TMEM135: variants seen among roughly 807,000 people sequenced by gnomAD.
TMEM135 encodes peroxisomal membrane protein 52.
In TMEM135, 30 loss-of-function variants were observed where a neutral mutation model predicts 60.3. The ratio of observed to expected loss-of-function variants is 0.50; its 90% CI spans 0.37 to 0.68. TMEM135 has a LOEUF of 0.68. Ranked by LOEUF, TMEM135 falls within the 30% of genes least tolerant of loss-of-function variation. The pLI is 0.00. For synonymous variants in TMEM135, 190 were observed against 186.7 expected (o/e 1.02, Z -0.14); for missense variants, 468 against 548.8 (o/e 0.85, Z 1.47).
chr11:87,081,843 A>T (rs796779265), intron 3 of TMEM135, among the ~76,000 whole-genome samples: 22 of 152,306 alleles, frequency 1.4e-4, no homozygotes, highest in African/African-American at 5.3e-4. Flanking sequence ...TGTTTTAACG[A>T]CTTAATAAGA....
intron 4 of TMEM135, among the ~76,000 whole-genome samples, chr11:87,138,254 C>A (rs1384893379): frequency 5.3e-5 from 8 of 151,882 alleles, no homozygotes; most frequent in African/African-American, 1.9e-4. Context: ...CCACACCCGG[C>A]TAATTTTTGT....
intron 4 of TMEM135, among the ~76,000 whole-genome samples, chr11:87,115,194 A>G (rs1448839545): frequency 2.6e-5 from 4 of 152,132 alleles, no homozygotes; most frequent in Admixed American, 2.6e-4. Context: ...AAACCTTAAG[A>G]AACATCTCTC....
At chr11:87,080,168 G>GTT (rs35717116) in intron 3 of TMEM135, among the ~76,000 whole-genome samples, 6,415 of 128,268 alleles carry the variant, frequency 0.05, 486 homozygotes, top group East Asian at 0.19. Flanking sequence ...TGTTTGCAGT[G>GTT]TTTTTTTTTT....
chr11:87,185,453 T>C (rs1287919123), intron 5 of TMEM135, among the ~76,000 whole-genome samples: 1 of 152,236 alleles, frequency 6.6e-6, no homozygotes, highest in Non-Finnish European at 1.5e-5. Context: ...CTTGGTTCTC[T>C]GTATTTCCTG....
At chr11:87,257,672 T>C (rs1432281816) in intron 6 of TMEM135, among the ~76,000 whole-genome samples, 1 of 152,168 alleles carries the variant, frequency 6.6e-6, no homozygotes. Context: ...ATGTCCAGAA[T>C]AGAAAAATCT....
chr11:87,057,620 CT>C (rs1467092209), intron 1 of TMEM135, among the ~76,000 whole-genome samples: 3 of 152,216 alleles, frequency 2.0e-5, no homozygotes, highest in African/African-American at 7.2e-5. Context: ...CATATAAAAG[CT>C]TTAAAAACTG....
intron 1 of TMEM135, 24 bp downstream of exon 1, chr11:87,038,210 A>T (rs1305465946): frequency 1.2e-6 from 2 of 1,605,310 alleles, no homozygotes; most frequent in Non-Finnish European, 1.7e-6. Flanking sequence ...CCCGTCCCGC[A>T]GGGCGAGTTT....
intron 5 of TMEM135, among the ~76,000 whole-genome samples, chr11:87,220,557 A>G (rs1005454564): frequency 1.3e-5 from 2 of 152,098 alleles, no homozygotes; most frequent in African/African-American, 2.4e-5. Flanking sequence ...GAGTTGTTCT[A>G]CTCTGCTAAG....
At chr11:87,227,121 G>T (rs932280011) in intron 5 of TMEM135, among the ~76,000 whole-genome samples, 10 of 151,966 alleles carry the variant, frequency 6.6e-5, no homozygotes, top group Non-Finnish European at 1.0e-4. Flanking sequence ...TAAGTTTCTG[G>T]CATATTTACT....
chr11:87,220,484 G>A (rs1176108790), intron 5 of TMEM135, among the ~76,000 whole-genome samples: 1 of 152,246 alleles, frequency 6.6e-6, no homozygotes, highest in Non-Finnish European at 1.5e-5. Flanking sequence ...TGGATATTGC[G>A]AGAACTTAGT....
At chr11:87,205,424 G>A (rs1423401157) in intron 5 of TMEM135, among the ~76,000 whole-genome samples, 1 of 152,244 alleles carries the variant, frequency 6.6e-6, no homozygotes, top group Non-Finnish European at 1.5e-5. Flanking sequence ...TGGAAGAATT[G>A]AATACTAAGA....
At chr11:87,161,981 G>A (rs1392101864) in intron 5 of TMEM135, among the ~76,000 whole-genome samples, 1 of 152,066 alleles carries the variant, frequency 6.6e-6, no homozygotes, top group Admixed American at 6.6e-5. Context: ...GCCTTGGGGA[G>A]CTTATAATCT....
chr11:87,039,932 A>G (rs1262859901), intron 1 of TMEM135, among the ~76,000 whole-genome samples: 1 of 152,232 alleles, frequency 6.6e-6, no homozygotes, highest in Admixed American at 6.5e-5. Context: ...ATAGAAACAT[A>G]GGTTCTCCTA....
intron 6 of TMEM135, among the ~76,000 whole-genome samples, chr11:87,282,459 T>A (rs1369042581): frequency 6.6e-6 from 1 of 152,160 alleles, no homozygotes; most frequent in Non-Finnish European, 1.5e-5. Flanking sequence ...GAGAAGGGAT[T>A]TCACCATCTT....
chr11:87,323,432 C>T lies in TMEM135; in HGVS notation c.*2099C>T, dbSNP rs1224309267. 1.5e-5 allele frequency: 7 copies of T among 453,908 alleles called. No homozygotes were observed. The highest frequency in any genetic ancestry group is 4.7e-5 in the South Asian group (3 of 64,470). 28.1% of individuals were successfully genotyped at this position (453,908 alleles called of 1,614,324 possible). A position where few individuals can be genotyped will look rare whatever the true frequency, so the allele number is the denominator to read the frequency against. On this transcript the variant is annotated 3_prime_UTR_variant, in exon 15 of 15. Coordinates refer to ENST00000305494, the MANE Select transcript of TMEM135 (RefSeq NM_022918.4). ...CAAAGAAACTTTGTGTTTTTGAAGA[C>T]AATCAGAATGATTACCTTTCTACCT...
intron 6 of TMEM135, among the ~76,000 whole-genome samples, chr11:87,282,643 G>A (rs996111020): frequency 5.9e-5 from 9 of 152,152 alleles, no homozygotes; most frequent in Admixed American, 3.3e-4. Flanking sequence ...GAAGACCATT[G>A]TTCTCTACTT....
chr11:87,317,844 C>T (rs911460789), intron 12 of TMEM135, among the ~76,000 whole-genome samples: 1 of 152,024 alleles, frequency 6.6e-6, no homozygotes, highest in Non-Finnish European at 1.5e-5. Context: ...GGGAAGAGAA[C>T]ACATGAGCAC....
chr11:87,165,827 A>C lies in TMEM135; in HGVS notation c.462+8421A>C, dbSNP rs546158790. ...GCTGTTTTTTTGAAAGGATCAATAA[A>C]ATTGATAGACCGCTAGTAAGACTAA... On this transcript the variant is annotated intron_variant, in intron 5 of 14. Coordinates refer to ENST00000305494, the MANE Select transcript of TMEM135 (RefSeq NM_022918.4). 9.7e-5 allele frequency among the ~76,000 whole-genome samples: 14 copies of C among 145,036 alleles called. No homozygotes were observed. The East Asian group carries it at 3.0e-3, about 31-fold the overall frequency.
In TMEM135 at chr11:87,314,662, A is replaced by G; in HGVS notation, c.1077+115A>G. On this transcript the variant is annotated intron_variant, in intron 12 of 14. Transcript: ENST00000305494. ...CAAACATAAATTTTAATCCTCTAAA[A>G]GTATTTGCAAAGTTGATTCCCCTGT... The G allele has an allele frequency of 3.6e-6, 3 of 824,504 alleles. No homozygotes were observed. The Admixed American group carries it at 6.3e-5, about 17-fold the overall frequency. The allele number at this position is 824,504 out of a possible 1,614,324, so 51.1% of individuals were successfully genotyped here.
Sources: allele counts gnomAD v4.1 joint callset (sites outside exome capture counted in the v4.1 genomes callset), GRCh38; gene constraint gnomAD v4.1.1; transcripts MANE v1.5; gene names NCBI Gene and HGNC (gene_info 2026-07-23, HGNC 2026-07-21).